EXT2: variants seen among roughly 807,000 people sequenced by gnomAD.
EXT2 encodes the protein exostosin-2.
A neutral mutation model predicts 81.6 loss-of-function variants in EXT2; 53 were observed. The ratio of observed to expected loss-of-function variants is 0.65; its 90% CI spans 0.52 to 0.82. The LOEUF (loss-of-function observed/expected upper bound fraction) is 0.82, where lower values mean the gene tolerates loss of function less well. EXT2 is among the 40% of genes least tolerant of loss of function. The pLI is 0.00. For synonymous variants in EXT2, 320 were observed against 340.0 expected (o/e 0.94, Z 0.65); for missense variants, 774 against 910.2 (o/e 0.85, Z 1.93).
intron 3 of EXT2, among the ~76,000 whole-genome samples, chr11:44,112,552 A>C (rs1954160039): frequency 6.6e-6 from 1 of 152,192 alleles, no homozygotes; most frequent in South Asian, 2.1e-4. Context: ...TTATAATGTA[A>C]TGGAGACCTT....
intron 7 of EXT2, among the ~76,000 whole-genome samples, chr11:44,169,241 T>TA (rs1308168971): frequency 2.6e-5 from 4 of 151,170 alleles, no homozygotes; most frequent in African/African-American, 9.7e-5. Context: ...AATAAATAAA[T>TA]AATAAAAATA....
At chr11:44,207,309 A>G (rs1406059034) in intron 10 of EXT2, among the ~76,000 whole-genome samples, 5 of 152,224 alleles carry the variant, frequency 3.3e-5, no homozygotes, top group East Asian at 1.9e-4. Context: ...CTGCAACAAT[A>G]AAAACATCAA....
chr11:44,107,850 G>A lies in EXT2; in HGVS notation c.138G>A (p.Trp46Ter), dbSNP rs770164633. ...TTGCCACTGGCATGTTTCAGTTTTG[G>A]CCCCATTCTATCGAGTCCTCAAATG... ...GLIATGMFQF[W>*]PHSIESSNDW... The change falls in exon 2 of 14, where the codon TGG becomes TGA. Residue 46 changes from tryptophan (W) to a stop codon, truncating the protein, a stop_gained. Transcript: ENST00000533608. LOFTEE classifies it high-confidence loss of function. The A allele has an allele frequency of 2.4e-5, 39 of 1,613,922 alleles. No homozygotes were observed. Among genetic ancestry groups the A allele is most frequent in the Non-Finnish European group, 3.1e-5 (37 of 1,180,014 alleles).
chr11:44,153,993 T>A (rs1954827331), intron 7 of EXT2, among the ~76,000 whole-genome samples: 1 of 151,932 alleles, frequency 6.6e-6, no homozygotes, highest in South Asian at 2.1e-4. Context: ...GTTTTTTTTT[T>A]AATTAAAAAA....
At chr11:44,195,851 A>T (rs985648809) in intron 8 of EXT2, among the ~76,000 whole-genome samples, 12 of 152,252 alleles carry the variant, frequency 7.9e-5, no homozygotes, top group Admixed American at 2.0e-4. Context: ...GAATGTAATT[A>T]ATGCCACCGA....
intron 7 of EXT2, among the ~76,000 whole-genome samples, chr11:44,153,741 A>G (rs1359504241): frequency 6.6e-6 from 1 of 152,090 alleles, no homozygotes; most frequent in Non-Finnish European, 1.5e-5. Context: ...GATTTGGTCA[A>G]AGGCTTTTTC....
At position 44,096,255 on chromosome 11, in the gene EXT2, G is replaced by A. The variant is rs534658369; in HGVS notation, c.-31+403G>A. The stretch of plus-strand genomic sequence containing the variant: ...GGGATCTGATTCCTCCCAGGGGGAT[G>A]TCCTGCGCCTCAGGGTCCGGTGGTG... On this transcript the variant is annotated intron_variant, in intron 1 of 13. Transcript: ENST00000533608. 17 of 1,535,866 alleles carry A rather than the reference G, an allele frequency of 1.1e-5. No individual in the cohort carries two copies. The Admixed American group carries it at 1.6e-4, about 14-fold the overall frequency.
At chr11:44,157,843 C>A (rs1362838750) in intron 7 of EXT2, among the ~76,000 whole-genome samples, 1 of 152,136 alleles carries the variant, frequency 6.6e-6, no homozygotes, top group East Asian at 1.9e-4. Context: ...TACCTGAAGC[C>A]AGCACAGCCA....
At chr11:44,124,239 A>G (rs1954361585) in intron 4 of EXT2, among the ~76,000 whole-genome samples, 1 of 152,078 alleles carries the variant, frequency 6.6e-6, no homozygotes, top group Non-Finnish European at 1.5e-5. Flanking sequence ...CTTTCCCTAT[A>G]GCCTCTCCAT....
Position 44,107,830 on chromosome 11 carries a change from A to G in EXT2, c.118A>G (p.Thr40Ala). The G allele has an allele frequency of 6.2e-7, 1 of 1,614,118 alleles. No individual in the cohort carries two copies. Among genetic ancestry groups the G allele is most frequent in the Non-Finnish European group, 8.5e-7 (1 of 1,180,024 alleles). ...FSIVLLGLIA[T>A]GMFQFWPHSI... ...CATTGTCCTCCTGGGCCTCATTGCC[A>G]CTGGCATGTTTCAGTTTTGGCCCCA... Residue 40 changes from threonine (T) to alanine (A), a missense_variant, in exon 2 of 14, where the codon ACT (threonine) becomes GCT (alanine). Thr to Ala is a moderately conservative substitution (Grantham distance 58). This residue lies in a region of EXT2 where 626 missense variants were observed against 670.5 expected (regional missense o/e 0.93). Coordinates refer to ENST00000533608, the MANE Select transcript of EXT2 (RefSeq NM_207122.2).
At chr11:44,196,410 T>C (rs1291007318) in intron 8 of EXT2, among the ~76,000 whole-genome samples, 2 of 152,252 alleles carry the variant, frequency 1.3e-5, no homozygotes, top group Non-Finnish European at 2.9e-5. Flanking sequence ...TTCTTTAATT[T>C]CTTTGATAGA....
At chr11:44,219,739 G>C (rs940187179) in intron 10 of EXT2, among the ~76,000 whole-genome samples, 1 of 152,160 alleles carries the variant, frequency 6.6e-6, no homozygotes, top group Non-Finnish European at 1.5e-5. Flanking sequence ...TCTAGGAAAG[G>C]CTCACCCTTT....
intron 7 of EXT2, among the ~76,000 whole-genome samples, chr11:44,136,292 G>A (rs1954566028): frequency 6.6e-6 from 1 of 152,152 alleles, no homozygotes; most frequent in Admixed American, 6.5e-5. Flanking sequence ...TAGTAAGCTA[G>A]GCCATTAGAA....
chr11:44,113,885 A>T (rs569150072), intron 3 of EXT2, among the ~76,000 whole-genome samples: 5 of 152,190 alleles, frequency 3.3e-5, no homozygotes, highest in African/African-American at 1.2e-4. Flanking sequence ...GGTGAATGGG[A>T]TCTGAGGGAG....
intron 7 of EXT2, among the ~76,000 whole-genome samples, chr11:44,142,529 C>T (rs1954659677): frequency 6.6e-6 from 1 of 152,162 alleles, no homozygotes; most frequent in South Asian, 2.1e-4. Flanking sequence ...CCAATACTTT[C>T]TTATGAAGAG....
intron 5 of EXT2, among the ~76,000 whole-genome samples, chr11:44,126,352 G>T (rs1395582368): frequency 6.6e-6 from 1 of 152,220 alleles, no homozygotes; most frequent in Non-Finnish European, 1.5e-5. Flanking sequence ...CATGAAAAGA[G>T]ATTTGATACC....
intron 13 of EXT2, among the ~76,000 whole-genome samples, chr11:44,241,798 A>G (rs927878116): frequency 1.3e-5 from 2 of 152,226 alleles, no homozygotes; most frequent in African/African-American, 2.4e-5. Flanking sequence ...GCCACCGGCA[A>G]CCAGCCAAAG....
rs377212442 is a variant in EXT2 at position 44,098,203 on chromosome 11, A to T, written c.-31+2351A>T. 2.0e-5 allele frequency among the ~76,000 whole-genome samples: 3 copies of T among 152,078 alleles called. No individual in the cohort carries two copies. In the East Asian group the frequency reaches 5.8e-4, roughly 29 times the overall value. On this transcript the variant is annotated intron_variant, in intron 1 of 13. Transcript: ENST00000533608. Reference sequence around the variant, plus strand: ...GGGAGCAGTCTCACTGGACAGAGAGATTATGACTTGTTTCCTCGGATGATG... The same window carrying T: ...GGGAGCAGTCTCACTGGACAGAGAGTTTATGACTTGTTTCCTCGGATGATG...
At chr11:44,159,902 AG>A (rs1954906805) in intron 7 of EXT2, among the ~76,000 whole-genome samples, 2 of 152,244 alleles carry the variant, frequency 1.3e-5, no homozygotes, top group South Asian at 4.1e-4. Context: ...GGTTAGAGCC[AG>A]CTGGAGTTGG....
Sources: gnomAD v4.1 joint callset for allele counts (sites outside exome capture counted in the v4.1 genomes callset) on GRCh38, gnomAD v4.1.1 for gene constraint, gnomAD v4.1.1 regional missense constraint, MANE v1.5 for transcripts, NCBI Gene and HGNC (gene_info 2026-07-23, HGNC 2026-07-21) for gene names.